Variants in PPM1H observed in about 807,000 individuals in gnomAD.
PPM1H encodes protein phosphatase 1H.
In PPM1H, 27 loss-of-function variants were observed where a neutral mutation model predicts 54.9. That is an observed-to-expected ratio of 0.49 (90% CI 0.36 to 0.68). The LOEUF (loss-of-function observed/expected upper bound fraction) is 0.68, where lower values mean the gene tolerates loss of function less well. PPM1H is among the 30% of genes least tolerant of loss of function. The probability of loss-of-function intolerance (pLI) is 0.00; values close to 1 mark genes in which losing one functional copy is unlikely to be tolerated. For synonymous variants in PPM1H, 305 were observed against 270.8 expected (o/e 1.13, Z -1.24); for missense variants, 596 against 667.8 (o/e 0.89, Z 1.19).
chr12:62,733,936 G>C (rs1276218514), intron 5 of PPM1H, among the ~76,000 whole-genome samples: 1 of 152,098 alleles, frequency 6.6e-6, no homozygotes, highest in African/African-American at 2.4e-5. Context: ...TGGTTTGCAG[G>C]CCAGTGGGAT....
chr12:62,858,892 G>A (rs1365678482), intron 1 of PPM1H, among the ~76,000 whole-genome samples: 1 of 152,146 alleles, frequency 6.6e-6, no homozygotes, highest in Admixed American at 6.5e-5. Flanking sequence ...GGGACAAAAT[G>A]TTTTAATTCA....
intron 2 of PPM1H, among the ~76,000 whole-genome samples, chr12:62,829,166 T>C (rs1328290355): frequency 2.0e-5 from 3 of 152,224 alleles, no homozygotes; most frequent in Non-Finnish European, 1.5e-5. Flanking sequence ...ACGACAGCAT[T>C]ATTCAGAATA....
At chr12:62,899,246 C>T (rs1012270777) in intron 1 of PPM1H, among the ~76,000 whole-genome samples, 5 of 151,840 alleles carry the variant, frequency 3.3e-5, no homozygotes, top group Admixed American at 6.6e-5. Flanking sequence ...CACAAAAAGG[C>T]GATAGGTGCC....
intron 6 of PPM1H, 119 bp from the exon 7 acceptor site, chr12:62,694,118 T>A: frequency 1.2e-6 from 1 of 821,784 alleles, no homozygotes; most frequent in East Asian, 2.7e-5. Flanking sequence ...CCACACTGAC[T>A]ACCTCTTCCT....
chr12:62,932,923 C>T (rs368551697), intron 1 of PPM1H, among the ~76,000 whole-genome samples: 56 of 152,070 alleles, frequency 3.7e-4, no homozygotes, highest in African/African-American at 1.3e-3. Flanking sequence ...GCGTGAACCA[C>T]CGCGCCCGGC....
intron 6 of PPM1H, among the ~76,000 whole-genome samples, chr12:62,706,994 C>G (rs563462917): frequency 1.3e-5 from 2 of 152,162 alleles, no homozygotes; most frequent in South Asian, 2.1e-4. Flanking sequence ...TGAGCTTTGA[C>G]GTTCAAAGTG....
intron 4 of PPM1H, 117 bp from the exon 5 acceptor site, chr12:62,737,703 C>G (rs919938982): frequency 3.0e-6 from 2 of 665,248 alleles, no homozygotes; most frequent in Non-Finnish European, 4.9e-6. Flanking sequence ...TGTTTTCCCA[C>G]TTGCATGGCA....
intron 2 of PPM1H, among the ~76,000 whole-genome samples, chr12:62,827,914 G>A (rs1184077224): frequency 6.6e-6 from 1 of 152,070 alleles, no homozygotes; most frequent in East Asian, 1.9e-4. Flanking sequence ...TAGTACCACT[G>A]CCAGTGATCT....
chr12:62,917,229 G>A (rs559478835), intron 1 of PPM1H, among the ~76,000 whole-genome samples: 6 of 152,288 alleles, frequency 3.9e-5, no homozygotes, highest in Non-Finnish European at 7.4e-5. Flanking sequence ...TGCTTTCTGC[G>A]GCAATTTAAC....
chr12:62,732,171 C>T (rs1433072261), intron 5 of PPM1H, among the ~76,000 whole-genome samples: 7 of 152,212 alleles, frequency 4.6e-5, no homozygotes, highest in Non-Finnish European at 1.0e-4. Flanking sequence ...CTCCTCATCA[C>T]ACACCTGCCA....
chr12:62,794,476 G>A (rs2076720526), intron 3 of PPM1H, among the ~76,000 whole-genome samples: 1 of 152,020 alleles, frequency 6.6e-6, no homozygotes, highest in African/African-American at 2.4e-5. Context: ...ATTACATATA[G>A]TAGTTCCATA....
At chr12:62,909,603 C>G (rs769629997) in intron 1 of PPM1H, among the ~76,000 whole-genome samples, 1 of 152,226 alleles carries the variant, frequency 6.6e-6, no homozygotes, top group South Asian at 2.1e-4. Context: ...CTCAGGTCAA[C>G]AACTAACCTC....
At chr12:62,885,189 CT>C (rs1870544670) in intron 1 of PPM1H, among the ~76,000 whole-genome samples, 1 of 152,168 alleles carries the variant, frequency 6.6e-6, no homozygotes, top group Non-Finnish European at 1.5e-5. Context: ...TGATCTCCCC[CT>C]GGGTCCCTCC....
intron 7 of PPM1H, among the ~76,000 whole-genome samples, chr12:62,693,469 G>A (rs2076094733): frequency 1.3e-5 from 2 of 152,232 alleles, no homozygotes; most frequent in Non-Finnish European, 2.9e-5. Context: ...GCGCGAAGCA[G>A]ACAGAAAGCC....
chr12:62,859,064 A>T (rs1869502098), intron 1 of PPM1H, among the ~76,000 whole-genome samples: 1 of 152,264 alleles, frequency 6.6e-6, no homozygotes, highest in Admixed American at 6.5e-5. Flanking sequence ...CAACAGGCTG[A>T]CAATTACCAT....
At chr12:62,784,608 C>T (rs1475500413) in intron 4 of PPM1H, among the ~76,000 whole-genome samples, 6 of 152,208 alleles carry the variant, frequency 3.9e-5, no homozygotes, top group African/African-American at 1.4e-4. Flanking sequence ...GTTGCCAGAA[C>T]CTTCTGCGGC....
chr12:62,802,709 A>G (rs2076778567), intron 2 of PPM1H, among the ~76,000 whole-genome samples: 1 of 151,970 alleles, frequency 6.6e-6, no homozygotes, highest in African/African-American at 2.4e-5. Context: ...CCTCTGGAGT[A>G]GCTGGGACTA....
intron 2 of PPM1H, among the ~76,000 whole-genome samples, chr12:62,810,473 C>A (rs1347919236): frequency 3.3e-5 from 5 of 152,216 alleles, no homozygotes; most frequent in Non-Finnish European, 7.3e-5. Flanking sequence ...CTCCCTCTCT[C>A]TCTCAATCCA....
chr12:62,659,681 C>T (rs1402920209), intron 9 of PPM1H, among the ~76,000 whole-genome samples: 1 of 152,168 alleles, frequency 6.6e-6, no homozygotes, highest in Admixed American at 6.5e-5. Flanking sequence ...CGACAAAAGC[C>T]CCTAGTCTTG....
Sources: allele counts gnomAD v4.1 joint callset (sites outside exome capture counted in the v4.1 genomes callset), GRCh38; gene constraint gnomAD v4.1.1; transcripts MANE v1.5; gene names NCBI Gene and HGNC (gene_info 2026-07-23, HGNC 2026-07-21).